QSOX1: variants seen among roughly 807,000 people sequenced by gnomAD.
QSOX1 encodes sulfhydryl oxidase 1.
QSOX1 carries 40 observed loss-of-function variants against 76.1 expected under a neutral mutation model. The ratio of observed to expected loss-of-function variants is 0.53; its 90% CI spans 0.41 to 0.68. The LOEUF is 0.68. Among genes scored for constraint, QSOX1 ranks in the 30% least tolerant of loss-of-function variants. The pLI is 0.00. For synonymous variants in QSOX1, 392 were observed against 413.1 expected, an observed-to-expected ratio of 0.95 and a Z score of 0.62; for missense variants, 931 against 974.3, an observed-to-expected ratio of 0.96 and a Z score of 0.59.
intron 2 of QSOX1, among the ~76,000 whole-genome samples, chr1:180,173,043 TAAAC>T (rs896017347): frequency 1.8e-4 from 27 of 152,342 alleles, no homozygotes; most frequent in African/African-American, 6.3e-4. Context: ...TGTCTGTAAA[TAAAC>T]AAGAGCACCA....
At chr1:180,173,692 G>A (rs1417836538) in intron 2 of QSOX1, among the ~76,000 whole-genome samples, 1 of 152,114 alleles carries the variant, frequency 6.6e-6, no homozygotes, top group Admixed American at 6.6e-5. Flanking sequence ...ACAAATGTCT[G>A]TAACAAACAA....
intron 10 of QSOX1, among the ~76,000 whole-genome samples, chr1:180,193,978 G>T (rs1572055618): frequency 1.3e-5 from 2 of 152,260 alleles, no homozygotes; most frequent in South Asian, 4.1e-4. Flanking sequence ...TAGTGGCAGG[G>T]AAGGGGATCC....
intron 2 of QSOX1, among the ~76,000 whole-genome samples, chr1:180,168,767 C>T (rs1383175764): frequency 6.6e-6 from 1 of 152,128 alleles, no homozygotes; most frequent in Non-Finnish European, 1.5e-5. Flanking sequence ...CAAACAGATT[C>T]CAATATCCAG....
chr1:180,189,430 C>CT, intron 8 of QSOX1, 122 bp from the exon 9 acceptor site: 2 of 504,254 alleles, frequency 4.0e-6, no homozygotes, highest in Admixed American at 3.4e-5. Flanking sequence ...GCACAACCTC[C>CT]TCCCCACTGC....
At position 180,199,359 on chromosome 1, in the gene QSOX1, C is replaced by T. The variant is rs1286154749; in HGVS notation, c.*2322C>T. 2.6e-5 allele frequency: 4 copies of T among 152,152 alleles called. No individual in the cohort carries two copies. Among genetic ancestry groups the T allele is most frequent in the Non-Finnish European group, 5.9e-5 (4 of 68,050 alleles). 9.4% of individuals were successfully genotyped at this position (152,152 alleles called of 1,614,324 possible). ...AGGCTCTCCTGGCAAGAGAGGGTCC[C>T]AAGGGGAGCCCTGCAAAGCAAAGGC... On this transcript the variant is annotated 3_prime_UTR_variant, in exon 12 of 12. Transcript: ENST00000367602.
At chr1:180,183,658 C>T (rs1487464737) in intron 6 of QSOX1, among the ~76,000 whole-genome samples, 1 of 152,126 alleles carries the variant, frequency 6.6e-6, no homozygotes, top group Non-Finnish European at 1.5e-5. Context: ...TTCTTGGGCC[C>T]AATTGCCTTA....
intron 5 of QSOX1, among the ~76,000 whole-genome samples, chr1:180,181,516 G>C (rs1663035251): frequency 6.6e-6 from 1 of 152,178 alleles, no homozygotes. Context: ...TTAGCCTGCT[G>C]TTTAGAAGTT....
intron 5 of QSOX1, among the ~76,000 whole-genome samples, chr1:180,181,307 G>A (rs534940077): frequency 3.9e-5 from 6 of 152,286 alleles, no homozygotes; most frequent in South Asian, 4.1e-4. Context: ...ACAGAAGTCC[G>A]TGCCTGCCAT....
chr1:180,178,506 G>A (rs1662951225), intron 4 of QSOX1, among the ~76,000 whole-genome samples: 2 of 152,266 alleles, frequency 1.3e-5, no homozygotes, highest in East Asian at 1.9e-4. Context: ...GGGATTACAG[G>A]CGTGAGCCAC....
intron 5 of QSOX1, among the ~76,000 whole-genome samples, chr1:180,181,690 A>G (rs906565594): frequency 6.6e-6 from 1 of 152,202 alleles, no homozygotes; most frequent in African/African-American, 2.4e-5. Context: ...ACAAACAATA[A>G]TTAGTAATTT....
In QSOX1 at chr1:180,196,558, C is replaced by G. The variant is rs1402862279; in HGVS notation, c.1765C>G (p.Pro589Ala). The change falls in exon 12 of 12, where the codon CCC becomes GCC. Residue 589 changes from proline (P) to alanine (A), a missense_variant. Transcript: ENST00000367602. This position sits in a 1 kb window ranked among gnomAD's most constrained non-coding sequence, Gnocchi z 4.1. ...TGGGAAGCCTGAGATGATGAAGTCC[C>G]CCACAAACACCACCCCACATGTGCC... is the stretch of plus-strand genomic sequence containing the variant. ...DPGKPEMMKS[P>A]TNTTPHVPAE... 4 of 1,614,192 alleles carry G rather than the reference C, an allele frequency of 2.5e-6. No individual in the cohort carries two copies. Among genetic ancestry groups the G allele is most frequent in the Non-Finnish European group, 3.4e-6 (4 of 1,180,040 alleles).
rs1284329096 is a variant in QSOX1 at position 180,196,277 on chromosome 1, A to AC, written c.1489dup (p.Gln497ProfsTer11). The AC allele has an allele frequency of 6.2e-7, 1 of 1,611,116 alleles. No homozygotes were observed. Among genetic ancestry groups the AC allele is most frequent in the Admixed American group, 1.7e-5 (1 of 59,932 alleles). On this transcript the variant is annotated frameshift_variant, in exon 12 of 12. Transcript: ENST00000367602. LOFTEE classifies it high-confidence loss of function. The surrounding 1 kb of genome is among the most constrained non-coding windows in gnomAD (Gnocchi z 4.1). ...CCCTCTGTAGGTGCCCCCAGCGAGG[A>AC]CCCCCAGTTCCCCAAGGTGCAGTGG...
rs745524961 is a variant in QSOX1 at position 180,178,804 on chromosome 1, A to G, written c.526A>G (p.Ile176Val). 7 of 1,613,646 alleles carry G rather than the reference A, an allele frequency of 4.3e-6. No homozygotes were observed. In the Middle Eastern group the frequency reaches 8.3e-4, roughly 190 times the overall value. Residue 176 changes from isoleucine to valine, a missense_variant, in exon 5 of 12, where the codon ATT (isoleucine) becomes GTT (valine). Ile to Val is a conservative substitution (Grantham distance 29). Transcript: ENST00000367602. ...PPLEPAKLEE[I>V]DGFFARNNEE... ...AATTGTCTCTTGCAGGCTGGAGGAG[A>G]TTGATGGATTCTTTGCGAGAAATAA...
chr1:180,202,590 A>C lies in QSOX1; in HGVS notation c.*5553A>C, dbSNP rs1364214280. ...TTGCTTAGCAAATGATGTTGAGAAT[A>C]GTGATTATTTGGGGGAAAATTCAGG... On this transcript the variant is annotated 3_prime_UTR_variant, in exon 12 of 12. Coordinates refer to ENST00000367602, the MANE Select transcript of QSOX1 (RefSeq NM_002826.5). 1.3e-5 allele frequency: 2 copies of C among 149,132 alleles called. No homozygotes were observed. The highest frequency in any genetic ancestry group is 1.4e-4 in the Admixed American group (2 of 14,800). 9.2% of individuals were successfully genotyped at this position (149,132 alleles called of 1,614,324 possible).
intron 1 of QSOX1, among the ~76,000 whole-genome samples, chr1:180,165,487 T>C (rs1459183957): frequency 6.6e-6 from 1 of 152,218 alleles, no homozygotes; most frequent in Non-Finnish European, 1.5e-5. Flanking sequence ...AGTCCTCTCC[T>C]CCTCCACCTT....
At chr1:180,155,272 A>C in intron 1 of QSOX1, 100 bp downstream of exon 1, 2 of 1,126,044 alleles carry the variant, frequency 1.8e-6, no homozygotes, top group Middle Eastern at 6.1e-4. Flanking sequence ...TCCCTCTTCC[A>C]GTCACCTCCG....
chr1:180,164,194 G>A (rs576268762), intron 1 of QSOX1, among the ~76,000 whole-genome samples: 2 of 152,170 alleles, frequency 1.3e-5, no homozygotes, highest in Non-Finnish European at 2.9e-5. Flanking sequence ...TTGCAGGTGA[G>A]GTTTAAAGCC....
chr1:180,166,447 G>C, intron 1 of QSOX1, 44 bp from the exon 2 acceptor site: 1 of 1,494,834 alleles, frequency 6.7e-7, no homozygotes, highest in Non-Finnish European at 9.3e-7. Flanking sequence ...GGCAGAGGGG[G>C]TACCAGCCCC....
Position 180,197,571 on chromosome 1 carries a change from C to T in QSOX1, c.*534C>T, listed in dbSNP as rs1181304593. ...TCTATGCCTGGCCAGCCTCCAGCTC[C>T]TCAGACCTCCTGGGTGGGGTTTGGC... On this transcript the variant is annotated 3_prime_UTR_variant, in exon 12 of 12. Coordinates refer to ENST00000367602, the MANE Select transcript of QSOX1 (RefSeq NM_002826.5). 1 of 602,970 alleles carries T rather than the reference C, an allele frequency of 1.7e-6. No individual in the cohort carries two copies. The highest frequency in any genetic ancestry group is 2.9e-5 in the East Asian group (1 of 34,508). 37.4% of individuals were successfully genotyped at this position (602,970 alleles called of 1,614,324 possible).
Sources: allele counts gnomAD v4.1 joint callset (sites outside exome capture counted in the v4.1 genomes callset), GRCh38; gene constraint gnomAD v4.1.1; non-coding constraint Gnocchi (gnomAD v3.1); transcripts MANE v1.5; gene names NCBI Gene and HGNC (gene_info 2026-07-23, HGNC 2026-07-21).